Variants in CNOT6 observed in about 807,000 individuals in gnomAD.
CNOT6 encodes CCR4-NOT transcription complex subunit 6.
In CNOT6, 12 loss-of-function variants were observed where a neutral mutation model predicts 61.2. The ratio of observed to expected loss-of-function variants is 0.20; its 90% confidence interval spans 0.13 to 0.32. The LOEUF (loss-of-function observed/expected upper bound fraction) is 0.32. Ranked by LOEUF, CNOT6 falls within the 10% of genes least tolerant of loss-of-function variation. The pLI is 1.00. For synonymous variants in CNOT6, 225 were observed against 240.6 expected (o/e 0.94, Z 0.60); for missense variants, 405 against 663.9 (o/e 0.61, Z 4.28).
chr5:180,495,009 G>A (rs1756534603), intron 1 of CNOT6, among the ~76,000 whole-genome samples: 1 of 152,120 alleles, frequency 6.6e-6, no homozygotes, highest in Non-Finnish European at 1.5e-5. Context: ...CGGCGGCGGC[G>A]CGCAGAGGGG....
intron 4 of CNOT6, among the ~76,000 whole-genome samples, chr5:180,560,235 G>A (rs1048817140): frequency 3.3e-5 from 5 of 152,052 alleles, no homozygotes; most frequent in East Asian, 1.9e-4. Flanking sequence ...GTGAGCCACC[G>A]TATTGGGCCA....
intron 4 of CNOT6, among the ~76,000 whole-genome samples, chr5:180,563,360 G>A (rs1186884654): frequency 3.3e-5 from 5 of 151,442 alleles, no homozygotes; most frequent in Admixed American, 6.6e-5. Context: ...GACTACAGGC[G>A]CCCGCCACCA....
At chr5:180,510,222 A>G (rs1757330253) in intron 1 of CNOT6, among the ~76,000 whole-genome samples, 1 of 133,784 alleles carries the variant, frequency 7.5e-6, no homozygotes, top group Non-Finnish European at 1.5e-5. Context: ...GGCTATTCAC[A>G]GGTGCAATGA....
rs115537412 is a variant in CNOT6, at chr5:180,575,113, G to A, written c.*913G>A. ...GGTCCAGCTTCTTAACTCTTTTTGA[G>A]ACACTTCCTGTCCTATCTCCACTGT... On this transcript the variant is annotated 3_prime_UTR_variant, in exon 12 of 12. Coordinates refer to ENST00000261951, the MANE Select transcript of CNOT6 (RefSeq NM_001370472.1). The A allele has an allele frequency of 6.5e-6, 1 of 152,698 alleles. No individual in the cohort carries two copies. Among genetic ancestry groups the A allele is most frequent in the African/African-American group, 2.4e-5 (1 of 41,554 alleles). The allele number at this position is 152,698 out of a possible 1,614,324, so 9.5% of individuals were successfully genotyped here. A position where few individuals can be genotyped will look rare whatever the true frequency, so the allele number is the denominator to read the frequency against.
Position 180,541,285 on chromosome 5 carries a change from C to T in CNOT6, c.113-8646C>T, listed in dbSNP as rs147963101. ...TCCTGAGTAGCTGGGATTACAGGTGCGCACCACCACATCTGGCTAATTTTT... is the reference window on the plus strand; with the variant it reads ...TCCTGAGTAGCTGGGATTACAGGTGTGCACCACCACATCTGGCTAATTTTT... On this transcript the variant is annotated intron_variant, in intron 2 of 11. Transcript: ENST00000261951. Among the ~76,000 whole-genome samples, 571 of 150,374 alleles carry T rather than the reference C, an allele frequency of 3.8e-3. 3 individuals are homozygous for T. Among genetic ancestry groups the T allele is most frequent in the African/African-American group, 0.012 (503 of 40,886 alleles).
chr5:180,553,933 T>C (rs994759984), intron 4 of CNOT6, among the ~76,000 whole-genome samples: 9 of 152,222 alleles, frequency 5.9e-5, no homozygotes, highest in Non-Finnish European at 1.0e-4. Context: ...AGGGCCATAA[T>C]TGATCCAGCA....
rs570958548 is a variant in CNOT6, at chr5:180,516,417, T to G, written c.-2-12858T>G. 2.6e-5 allele frequency among the ~76,000 whole-genome samples: 4 copies of G among 152,248 alleles called. No individual in the cohort carries two copies. The East Asian group carries it at 5.8e-4, about 22-fold the overall frequency. On this transcript the variant is annotated intron_variant, in intron 1 of 11. Coordinates refer to ENST00000261951, the MANE Select transcript of CNOT6 (RefSeq NM_001370472.1). ...GGATGGTCTCGATCTCCCAACCTTG[T>G]GATCCGCCTGCCTTGGCCTCCCAAA...
chr5:180,505,805 C>T (rs1023821424), intron 1 of CNOT6, among the ~76,000 whole-genome samples: 4 of 152,142 alleles, frequency 2.6e-5, no homozygotes, highest in Non-Finnish European at 5.9e-5. Context: ...GCCTTGGCCT[C>T]CCAAAGTGCT....
chr5:180,529,790 T>C (rs1042756933), intron 2 of CNOT6, among the ~76,000 whole-genome samples: 3 of 152,260 alleles, frequency 2.0e-5, no homozygotes, highest in East Asian at 1.9e-4. Flanking sequence ...TAGGAATGGC[T>C]GATCTGTATA....
chr5:180,527,123 T>G (rs986161359), intron 1 of CNOT6, among the ~76,000 whole-genome samples: 9 of 152,152 alleles, frequency 5.9e-5, no homozygotes, highest in Non-Finnish European at 1.3e-4. Flanking sequence ...CTCACAAAAG[T>G]GCTGGGATTA....
intron 4 of CNOT6, among the ~76,000 whole-genome samples, chr5:180,558,757 C>A (rs544195804): frequency 6.6e-6 from 1 of 152,188 alleles, no homozygotes; most frequent in South Asian, 2.1e-4. Flanking sequence ...CTATGTCCAG[C>A]AACAAATTTT....
At position 180,571,304 on chromosome 5, in the gene CNOT6, A is replaced by G. The variant is rs1561667985; in HGVS notation, c.1333A>G (p.Ser445Gly). Residue 445 changes from serine to glycine, a missense_variant, in exon 11 of 12, where the codon AGT (serine) becomes GGT (glycine). Transcript: ENST00000261951. ...KDFKELRYNE[S>G]LTNFSCHGKN... ...CTTTAAGGAGTTGAGGTATAATGAA[A>G]GTCTCACAAACTTCAGCTGTCATGG... 6.2e-7 allele frequency: 1 copy of G among 1,614,116 alleles called. No homozygotes were observed. Among genetic ancestry groups the G allele is most frequent in the East Asian group, 2.2e-5 (1 of 44,888 alleles).
At position 180,578,295 on chromosome 5, in the gene CNOT6, G is replaced by A. The variant is rs1471944954; in HGVS notation, c.*4095G>A. The A allele has an allele frequency of 6.6e-6, 1 of 152,620 alleles. No homozygotes were observed. Among genetic ancestry groups the A allele is most frequent in the Non-Finnish European group, 1.5e-5 (1 of 68,038 alleles). 9.5% of individuals were successfully genotyped at this position (152,620 alleles called of 1,614,324 possible). On this transcript the variant is annotated 3_prime_UTR_variant, in exon 12 of 12. Coordinates refer to ENST00000261951, the MANE Select transcript of CNOT6 (RefSeq NM_001370472.1). ...CATGATATAAGGAATGGGCTCATGT[G>A]TCTTCCGTCTTTTGGAAGGAGGTTG...
At chr5:180,562,783 G>A (rs997816677) in intron 4 of CNOT6, among the ~76,000 whole-genome samples, 1 of 152,066 alleles carries the variant, frequency 6.6e-6, no homozygotes, top group Non-Finnish European at 1.5e-5. Context: ...TGTAGGTCTG[G>A]TTAGAATGAG....
chr5:180,542,980 A>C (rs1309131634), intron 2 of CNOT6, among the ~76,000 whole-genome samples: 2 of 152,126 alleles, frequency 1.3e-5, no homozygotes, highest in Admixed American at 6.5e-5. Context: ...AATGGTAGAG[A>C]TATATCTTTC....
intron 1 of CNOT6, among the ~76,000 whole-genome samples, chr5:180,503,412 C>T (rs540395900): frequency 5.9e-5 from 9 of 151,484 alleles, no homozygotes; most frequent in African/African-American, 2.2e-4. Context: ...TAGAGGTACG[C>T]GCCACCATGC....
chr5:180,522,431 C>CTT (rs1173657997), intron 1 of CNOT6, among the ~76,000 whole-genome samples: 1 of 152,052 alleles, frequency 6.6e-6, no homozygotes, highest in African/African-American at 2.4e-5. Context: ...ATTTTTAGTT[C>CTT]TTTGAGAAAT....
intron 2 of CNOT6, among the ~76,000 whole-genome samples, chr5:180,539,850 A>C (rs981393819): frequency 1.5e-4 from 22 of 151,654 alleles, no homozygotes; most frequent in Non-Finnish European, 2.2e-4. Context: ...CGGCCTCCCA[A>C]AGTGCTGGGA....
At chr5:180,556,648 T>A (rs768866391) in intron 4 of CNOT6, among the ~76,000 whole-genome samples, 8 of 152,152 alleles carry the variant, frequency 5.3e-5, no homozygotes, top group Non-Finnish European at 1.0e-4. Context: ...CTTCTAAGTT[T>A]TGCTATTTTA....
Sources: allele counts gnomAD v4.1 joint callset (sites outside exome capture counted in the v4.1 genomes callset), GRCh38; gene constraint gnomAD v4.1.1; transcripts MANE v1.5; gene names NCBI Gene and HGNC (gene_info 2026-07-23, HGNC 2026-07-21).